EFCAB5: variants seen among roughly 807,000 people sequenced by gnomAD.
EFCAB5 encodes the protein EF-hand calcium binding domain 5.
A neutral mutation model predicts 167.9 loss-of-function variants in EFCAB5; 131 were observed. The ratio of observed to expected loss-of-function variants is 0.78; its 90% CI spans 0.68 to 0.90. EFCAB5 has a LOEUF of 0.90. Ranked by LOEUF, EFCAB5 falls within the 40% of genes least tolerant of loss-of-function variation. The pLI is 0.00. For synonymous variants in EFCAB5, 574 were observed against 602.8 expected (o/e 0.95, Z 0.70); for missense variants, 1,663 against 1,745.2 (o/e 0.95, Z 0.84).
At chr17:30,083,559 A>T (rs1597549908) in intron 18 of EFCAB5, among the ~76,000 whole-genome samples, 1 of 152,220 alleles carries the variant, frequency 6.6e-6, no homozygotes, top group Non-Finnish European at 1.5e-5. Context: ...GGCTCAAGCA[A>T]GTCCCCTGCC....
At chr17:30,090,348 C>A in intron 19 of EFCAB5, 73 bp from the exon 20 acceptor site, 1 of 1,545,092 alleles carries the variant, frequency 6.5e-7, no homozygotes, top group South Asian at 1.3e-5. Context: ...GAGAGTAATT[C>A]AATATGTTTT....
chr17:29,975,386 G>A (rs558737822), intron 4 of EFCAB5, among the ~76,000 whole-genome samples: 4 of 152,140 alleles, frequency 2.6e-5, no homozygotes, highest in African/African-American at 9.6e-5. Context: ...CTCCCGAGTA[G>A]CTGGGATTAC....
intron 18 of EFCAB5, among the ~76,000 whole-genome samples, chr17:30,086,104 T>G (rs910226541): frequency 4.6e-5 from 7 of 152,116 alleles, no homozygotes; most frequent in Admixed American, 3.9e-4. Flanking sequence ...CAAGCGATCC[T>G]CCTGCCTCAA....
chr17:30,024,892 T>C (rs1452839860), intron 7 of EFCAB5, among the ~76,000 whole-genome samples: 9 of 151,650 alleles, frequency 5.9e-5, no homozygotes, highest in African/African-American at 9.7e-5. Flanking sequence ...TATCTACAAC[T>C]ATCTGATCTT....
chr17:30,081,030 T>C, intron 17 of EFCAB5, 49 bp downstream of exon 17: 1 of 1,425,180 alleles, frequency 7.0e-7, no homozygotes, highest in South Asian at 1.2e-5. Context: ...CCTCTCTTTC[T>C]AATACTTTTT....
At chr17:30,052,880 A>G (rs928105240) in intron 9 of EFCAB5, among the ~76,000 whole-genome samples, 1 of 152,250 alleles carries the variant, frequency 6.6e-6, no homozygotes, top group Admixed American at 6.5e-5. Flanking sequence ...TATTGAAAAT[A>G]TATTTGACAT....
chr17:30,080,547 CT>C, intron 16 of EFCAB5, among the ~76,000 whole-genome samples: 1 of 104,446 alleles, frequency 9.6e-6, no homozygotes, highest in Non-Finnish European at 2.1e-5. Flanking sequence ...CACATCCAAG[CT>C]TGTTTTTTTT....
chr17:30,078,192 G>C (rs371467473), intron 14 of EFCAB5, 23 bp from the exon 15 acceptor site: 6 of 1,589,090 alleles, frequency 3.8e-6, no homozygotes, highest in Non-Finnish European at 5.1e-6. Context: ...GTTAGTTCTT[G>C]GTTTCGTGTT....
chr17:29,997,020 C>T (rs979215148), intron 6 of EFCAB5, among the ~76,000 whole-genome samples: 4 of 151,972 alleles, frequency 2.6e-5, no homozygotes, highest in African/African-American at 7.2e-5. Context: ...CCGAGATGGG[C>T]GGATCATTTG....
chr17:29,996,239 C>T (rs2068540895), intron 5 of EFCAB5, 73 bp from the exon 6 acceptor site: 1 of 1,308,284 alleles, frequency 7.6e-7, no homozygotes, highest in Non-Finnish European at 1.1e-6. Context: ...GGCTTTTAGT[C>T]TAAAATAACA....
At chr17:30,044,693 T>C (rs1490280067) in intron 8 of EFCAB5, among the ~76,000 whole-genome samples, 1 of 152,180 alleles carries the variant, frequency 6.6e-6, no homozygotes, top group Non-Finnish European at 1.5e-5. Context: ...GTAGGAATGA[T>C]ACAACCACTT....
In EFCAB5 at chr17:30,059,527, A is replaced by T. The variant is rs371962669; in HGVS notation, c.2581-18A>T. On this transcript the variant is annotated intron_variant, in intron 13 of 22. Coordinates refer to ENST00000394835, the MANE Select transcript of EFCAB5 (RefSeq NM_198529.4). ...GAACATATATCTTCCGTGCTTTATT[A>T]TCCTGTTTGTATCCTAGTTTAGCCA... is the stretch of plus-strand genomic sequence containing the variant. 15 of 1,591,152 alleles carry T rather than the reference A, an allele frequency of 9.4e-6. No individual in the cohort carries two copies. The highest frequency in any genetic ancestry group is 1.3e-5 in the Non-Finnish European group (15 of 1,168,872).
intron 7 of EFCAB5, among the ~76,000 whole-genome samples, chr17:30,004,061 T>C (rs532547892): frequency 6.6e-6 from 1 of 152,338 alleles, no homozygotes; most frequent in East Asian, 1.9e-4. Flanking sequence ...AGGTTCTCAC[T>C]TCACAGACTG....
At chr17:30,030,005 T>C (rs1170557962) in intron 7 of EFCAB5, among the ~76,000 whole-genome samples, 1 of 152,200 alleles carries the variant, frequency 6.6e-6, no homozygotes, top group East Asian at 1.9e-4. Context: ...ATGTTTAACA[T>C]CTCACAGAGA....
At chr17:29,932,130 C>G (rs1469198700) in intron 1 of EFCAB5, among the ~76,000 whole-genome samples, 2 of 151,652 alleles carry the variant, frequency 1.3e-5, no homozygotes, top group African/African-American at 4.8e-5. Flanking sequence ...AAATAAAGCC[C>G]TCTATGCAAT....
intron 14 of EFCAB5, among the ~76,000 whole-genome samples, chr17:30,066,331 A>C (rs2070569158): frequency 6.6e-6 from 1 of 152,242 alleles, no homozygotes. Context: ...CATGCTCCCG[A>C]ATGAGCAGTG....
At chr17:29,938,303 C>CT (rs1373578093), upstream of EFCAB5, among the ~76,000 whole-genome samples, 8 of 125,654 alleles carry the variant, frequency 6.4e-5, no homozygotes, top group Admixed American at 7.0e-4. Flanking sequence ...TTTAAAAATA[C>CT]TTTTTTGCTA....
At chr17:30,094,056 C>A (rs2151851610) in intron 22 of EFCAB5, among the ~76,000 whole-genome samples, 1 of 152,270 alleles carries the variant, frequency 6.6e-6, no homozygotes, top group Middle Eastern at 3.4e-3. Flanking sequence ...CCAATAATAC[C>A]TGTAGGTTCA....
intron 14 of EFCAB5, among the ~76,000 whole-genome samples, chr17:30,072,236 T>C (rs933211927): frequency 2.0e-5 from 3 of 152,194 alleles, no homozygotes; most frequent in Admixed American, 6.5e-5. Flanking sequence ...ATTGTCTACA[T>C]GTGTTGAAAT....
Sources: allele counts gnomAD v4.1 joint callset (sites outside exome capture counted in the v4.1 genomes callset), GRCh38; gene constraint gnomAD v4.1.1; transcripts MANE v1.5; gene names NCBI Gene and HGNC (gene_info 2026-07-23, HGNC 2026-07-21).